Variants in IP6K1 observed in about 807,000 individuals in gnomAD.
The protein encoded by IP6K1 is ATP:1D-myo-inositol-hexakisphosphate phosphotransferase.
In IP6K1, 13 loss-of-function variants were observed where a neutral mutation model predicts 38.3. The ratio of observed to expected loss-of-function variants is 0.34; its 90% CI spans 0.22 to 0.54. The LOEUF (loss-of-function observed/expected upper bound fraction) is 0.54, where lower values mean the gene tolerates loss of function less well. Among genes scored for constraint, IP6K1 ranks in the 20% least tolerant of loss-of-function variants. IP6K1 has a pLI of 0.92. For missense variants in IP6K1, 397 were observed against 599.8 expected (o/e 0.66, Z 3.53); for synonymous variants, 212 against 229.9 (o/e 0.92, Z 0.70).
intron 1 of IP6K1, among the ~76,000 whole-genome samples, chr3:49,752,001 T>C (rs2080780983): frequency 2.0e-5 from 3 of 152,198 alleles, no homozygotes; most frequent in South Asian, 4.1e-4. Flanking sequence ...TAATGAAATG[T>C]AATTTTTTGT....
chr3:49,748,694 G>C (rs113016568), intron 1 of IP6K1, among the ~76,000 whole-genome samples: 1 of 152,168 alleles, frequency 6.6e-6, no homozygotes, highest in African/African-American at 2.4e-5. Flanking sequence ...TTGCTGAGCT[G>C]TAGGACAGTG....
intron 2 of IP6K1, among the ~76,000 whole-genome samples, chr3:49,739,046 C>G (rs2080641841): frequency 1.3e-5 from 2 of 152,148 alleles, no homozygotes; most frequent in Admixed American, 1.3e-4. Flanking sequence ...GTAGTGTCTT[C>G]TGGATCTTAG....
In IP6K1 at chr3:49,727,953, A is replaced by G; in HGVS notation, c.792+150T>C. Reference sequence around the variant, plus strand: ...CAATGTCGAGGCAGCAGACTCTCACAGTGGTCCTGCACCTGAGGCCCATAT... The same window carrying G: ...CAATGTCGAGGCAGCAGACTCTCACGGTGGTCCTGCACCTGAGGCCCATAT... On this transcript the variant is annotated intron_variant, in intron 5 of 5. Transcript: ENST00000321599. The surrounding 1 kb of genome is among the most constrained non-coding windows in gnomAD (Gnocchi z 5.9). 2 of 759,324 alleles carry G rather than the reference A, an allele frequency of 2.6e-6. No individual in the cohort carries two copies. The highest frequency in any genetic ancestry group is 3.4e-5 in the South Asian group (2 of 58,646). The allele number at this position is 759,324 out of a possible 1,614,324, so 47.0% of individuals were successfully genotyped here.
chr3:49,779,615 G>A (rs1279406265), intron 1 of IP6K1, among the ~76,000 whole-genome samples: 3 of 151,988 alleles, frequency 2.0e-5, no homozygotes, highest in African/African-American at 7.2e-5. Flanking sequence ...ATCAACATAC[G>A]ACATCATCTG....
chr3:49,747,428 C>T (rs2080730327), intron 2 of IP6K1, among the ~76,000 whole-genome samples: 1 of 152,184 alleles, frequency 6.6e-6, no homozygotes, highest in South Asian at 2.1e-4. Flanking sequence ...CATATAGACA[C>T]AGGATACACA....
chr3:49,741,845 C>T (rs1237763679), intron 2 of IP6K1, among the ~76,000 whole-genome samples: 1 of 152,166 alleles, frequency 6.6e-6, no homozygotes. Flanking sequence ...AAATTACAAC[C>T]ATCAGAACTG....
At chr3:49,765,767 G>T (rs965616956) in intron 1 of IP6K1, among the ~76,000 whole-genome samples, 2 of 151,868 alleles carry the variant, frequency 1.3e-5, no homozygotes, top group African/African-American at 4.8e-5. Flanking sequence ...CATTACCCAG[G>T]CACTGTGGCT....
intron 1 of IP6K1, among the ~76,000 whole-genome samples, chr3:49,759,955 T>G (rs1197988249): frequency 1.3e-5 from 2 of 152,216 alleles, no homozygotes; most frequent in African/African-American, 2.4e-5. Flanking sequence ...CAGGATGGAA[T>G]GCAGTGGCAC....
At chr3:49,768,550 AC>A (rs757941167) in intron 1 of IP6K1, among the ~76,000 whole-genome samples, 10 of 152,302 alleles carry the variant, frequency 6.6e-5, no homozygotes, top group South Asian at 4.1e-4. Context: ...CAGGTGGATC[AC>A]TTGAGGTCAG....
At position 49,769,595 on chromosome 3, in the gene IP6K1, A is replaced by G. The variant is rs149833816; in HGVS notation, c.-129+16759T>C. Reference sequence around the variant, plus strand: ...TTTAAACTATGTCAAATTTTTTTACATTCTTCCCTCTAAAAAGTGAAATCC... The same window carrying G: ...TTTAAACTATGTCAAATTTTTTTACGTTCTTCCCTCTAAAAAGTGAAATCC... On this transcript the variant is annotated intron_variant, in intron 1 of 5. Transcript: ENST00000321599. 3.3e-5 allele frequency among the ~76,000 whole-genome samples: 5 copies of G among 152,318 alleles called. No homozygotes were observed. In the East Asian group the frequency reaches 9.6e-4, roughly 29 times the overall value.
chr3:49,771,340 A>G lies in IP6K1; in HGVS notation c.-129+15014T>C, dbSNP rs530350911. 6.6e-5 allele frequency among the ~76,000 whole-genome samples: 10 copies of G among 152,234 alleles called. No homozygotes were observed. In the South Asian group the frequency reaches 1.9e-3, roughly 28 times the overall value. On this transcript the variant is annotated intron_variant, in intron 1 of 5. Coordinates refer to ENST00000321599, the MANE Select transcript of IP6K1 (RefSeq NM_153273.4). ...TAGGGAGGCCCTATCTCTAAAAGATACATTTCTTTAAAAAATAAAAAAGCC... is the reference window on the plus strand; with the variant it reads ...TAGGGAGGCCCTATCTCTAAAAGATGCATTTCTTTAAAAAATAAAAAAGCC...
intron 1 of IP6K1, chr3:49,758,359 A>C: frequency 6.6e-6 from 1 of 151,978 alleles, no homozygotes; most frequent in Non-Finnish European, 1.5e-5. Context: ...TAAACAAGAA[A>C]ACTCTCCAGA....
At chr3:49,751,351 G>A (rs1575315152) in intron 1 of IP6K1, among the ~76,000 whole-genome samples, 3 of 151,992 alleles carry the variant, frequency 2.0e-5, no homozygotes, top group Non-Finnish European at 2.9e-5. Context: ...TAGTGGAGAC[G>A]GGGTTTCACC....
At position 49,727,489 on chromosome 3, in the gene IP6K1, G is replaced by A. The variant is rs1559700441; in HGVS notation, c.959C>T (p.Ala320Val). The A allele has an allele frequency of 1.9e-6, 3 of 1,614,204 alleles. No homozygotes were observed. The highest frequency in any genetic ancestry group is 2.5e-6 in the Non-Finnish European group (3 of 1,180,042). Residue 320 changes from alanine (A) to valine (V), a missense_variant, in exon 6 of 6, where the codon GCT (alanine) becomes GTT (valine). Around this residue, in one of 3 missense-constraint regions of IP6K1, gnomAD observed 164 missense variants for 213.5 expected, o/e 0.77. Transcript: ENST00000321599. This position sits in a 1 kb window ranked among gnomAD's most constrained non-coding sequence, Gnocchi z 5.9. Reference protein sequence around the residue: ...PILSKLRGLKAVLERQASYRF... With the variant: ...PILSKLRGLKVVLERQASYRF... ...GTAAGAGGCCTGCCGCTCCAGCACA[G>A]CTTTCAGGCCCCGCAGTTTGCTCAG... is the stretch of plus-strand genomic sequence containing the variant.
intron 1 of IP6K1, among the ~76,000 whole-genome samples, chr3:49,748,694 G>A (rs113016568): frequency 0.012 from 1,757 of 152,286 alleles, 26 homozygotes; most frequent in Middle Eastern, 0.014. Flanking sequence ...TTGCTGAGCT[G>A]TAGGACAGTG....
chr3:49,784,376 G>A lies in IP6K1; in HGVS notation c.-129+1978C>T, dbSNP rs199896489. Among the ~76,000 whole-genome samples, 131 of 152,292 alleles carry A rather than the reference G, an allele frequency of 8.6e-4. 2 individuals are homozygous for A. The East Asian group carries it at 0.022, about 25-fold the overall frequency. On this transcript the variant is annotated intron_variant, in intron 1 of 5. Coordinates refer to ENST00000321599, the MANE Select transcript of IP6K1 (RefSeq NM_153273.4). ...TAGGCTAGGCGCGTGACCAGGCACA[G>A]TGGCTCACGCCTGTAATCCCAGCAC...
intron 1 of IP6K1, among the ~76,000 whole-genome samples, chr3:49,753,230 G>A (rs1016336847): frequency 6.6e-6 from 1 of 151,944 alleles, no homozygotes; most frequent in African/African-American, 2.4e-5. Context: ...AACACATCAG[G>A]CATATATATA....
intron 1 of IP6K1, among the ~76,000 whole-genome samples, chr3:49,777,644 G>A (rs2081029064): frequency 6.6e-6 from 1 of 152,128 alleles, no homozygotes; most frequent in African/African-American, 2.4e-5. Flanking sequence ...GCCAGGCGTG[G>A]TGGCTCACGC....
chr3:49,748,631 A>G (rs1298798675), intron 1 of IP6K1, among the ~76,000 whole-genome samples: 3 of 152,190 alleles, frequency 2.0e-5, no homozygotes, highest in Admixed American at 6.6e-5. Flanking sequence ...ATTAGGTCAC[A>G]TGAGATTCCC....
Sources: gnomAD v4.1 joint callset for allele counts (sites outside exome capture counted in the v4.1 genomes callset) on GRCh38, gnomAD v4.1.1 for gene constraint, gnomAD v4.1.1 regional missense constraint, Gnocchi (gnomAD v3.1) non-coding constraint, MANE v1.5 for transcripts, NCBI Gene and HGNC (gene_info 2026-07-23, HGNC 2026-07-21) for gene names.